The following PTGER4 variants were observed in gnomAD, a reference collection of about 807,000 sequenced individuals.
PTGER4 encodes the protein prostaglandin E receptor 4, also known as prostaglandin E2 receptor EP4 subtype.
In PTGER4, 11 loss-of-function variants were observed where a neutral mutation model predicts 33.2. That is an observed-to-expected ratio of 0.33 (90% CI 0.21 to 0.55). PTGER4 has a LOEUF of 0.55. Ranked by LOEUF, PTGER4 falls within the 20% of genes least tolerant of loss-of-function variation. The probability of loss-of-function intolerance (pLI) is 0.92; values close to 1 mark genes in which losing one functional copy is unlikely to be tolerated. For synonymous variants in PTGER4, 275 were observed against 281.5 expected, an observed-to-expected ratio of 0.98 and a Z score of 0.23; for missense variants, 481 against 650.2, an observed-to-expected ratio of 0.74 and a Z score of 2.83.
At chr5:40,746,777 A>T in the PTGER4 span, 1 of 1,581,140 alleles carries the variant, frequency 6.3e-7, no homozygotes, top group African/African-American at 1.4e-5. Context: ...TCTCCATAAA[A>T]AAAAAACTTT....
chr5:40,689,418 G>A (rs1579648448), intron 2 of PTGER4, among the ~76,000 whole-genome samples: 1 of 152,164 alleles, frequency 6.6e-6, no homozygotes, highest in East Asian at 1.9e-4. Flanking sequence ...TTAATGAAAT[G>A]TATTTCTTCG....
chr5:40,697,796 T>A, downstream of PTGER4, among the ~76,000 whole-genome samples: 1 of 150,884 alleles, frequency 6.6e-6, no homozygotes, highest in Admixed American at 6.6e-5. Flanking sequence ...ATATACAAGG[T>A]GAACTAAATT....
At position 40,691,675 on chromosome 5, in the gene PTGER4, A is replaced by C; in HGVS notation, c.868-104A>C. ...TCCTCTTTTCCTGGAACTTGTTACC[A>C]GAAATGAAGGCAGCTTCCTAATATT... On this transcript the variant is annotated intron_variant, in intron 2 of 2. Transcript: ENST00000302472. This position sits in a 1 kb window ranked among gnomAD's most constrained non-coding sequence, Gnocchi z 4.2. 7.0e-7 allele frequency: 1 copy of C among 1,438,516 alleles called. No individual in the cohort carries two copies. Among genetic ancestry groups the C allele is most frequent in the Non-Finnish European group, 9.4e-7 (1 of 1,067,760 alleles). 89.1% of individuals were successfully genotyped at this position (1,438,516 alleles called of 1,614,324 possible).
At chr5:40,744,827 C>T in the PTGER4 span, among the ~76,000 whole-genome samples, 431 of 152,176 alleles carry the variant, frequency 2.8e-3, 1 homozygote, top group Non-Finnish European at 4.7e-3. Flanking sequence ...TCAACAGATA[C>T]CAAACACAGC....
intron 2 of PTGER4, among the ~76,000 whole-genome samples, chr5:40,685,852 A>G (rs1399996453): frequency 6.6e-6 from 1 of 152,158 alleles, no homozygotes. Flanking sequence ...TTTGTATTGA[A>G]TATCTCCTAA....
At chr5:40,700,569 T>G in the PTGER4 span, among the ~76,000 whole-genome samples, 1 of 152,234 alleles carries the variant, frequency 6.6e-6, no homozygotes. Flanking sequence ...CTGACTGCAC[T>G]GAGTGATTCC....
chr5:40,691,448 G>A lies in PTGER4; in HGVS notation c.868-331G>A, dbSNP rs1741468782. The stretch of plus-strand genomic sequence containing the variant: ...GCCTACCTCGGCCTACCAAAATGCT[G>A]GGATTACAGGCGTGAGCCACCGCAC... On this transcript the variant is annotated intron_variant, in intron 2 of 2. Coordinates refer to ENST00000302472, the MANE Select transcript of PTGER4 (RefSeq NM_000958.3). The surrounding 1 kb of genome is among the most constrained non-coding windows in gnomAD (Gnocchi z 4.2). 6.6e-6 allele frequency among the ~76,000 whole-genome samples: 1 copy of A among 152,180 alleles called. No homozygotes were observed. The highest frequency in any genetic ancestry group is 1.5e-5 in the Non-Finnish European group (1 of 68,034).
the PTGER4 span, among the ~76,000 whole-genome samples, chr5:40,708,094 TC>T: frequency 0.017 from 2,587 of 152,130 alleles, 26 homozygotes; most frequent in Non-Finnish European, 0.026. Flanking sequence ...GATCTAAAAT[TC>T]ACATCCTAAC....
chr5:40,687,160 C>T (rs567568553), intron 2 of PTGER4, among the ~76,000 whole-genome samples: 1 of 152,150 alleles, frequency 6.6e-6, no homozygotes, highest in Admixed American at 6.5e-5. Flanking sequence ...ATTCTCCTGC[C>T]TCAGCCTTCC....
chr5:40,745,513 G>A, the PTGER4 span, among the ~76,000 whole-genome samples: 2 of 151,872 alleles, frequency 1.3e-5, no homozygotes, highest in East Asian at 3.9e-4. Context: ...GAGGAAATAC[G>A]AGATTGTCCT....
chr5:40,692,360 A>T lies in PTGER4; in HGVS notation c.1449A>T (p.Leu483Phe), dbSNP rs1741496172. 3 of 1,595,200 alleles carry T rather than the reference A, an allele frequency of 1.9e-6. No homozygotes were observed. Among genetic ancestry groups the T allele is most frequent in the Non-Finnish European group, 2.6e-6 (3 of 1,170,070 alleles). Residue 483 changes from leucine (L) to phenylalanine (F), a missense_variant, in exon 3 of 3, where the codon TTA (leucine) becomes TTT (phenylalanine). By Grantham distance (22) the Leu-to-Phe change is conservative. Coordinates refer to ENST00000302472, the MANE Select transcript of PTGER4 (RefSeq NM_000958.3). The part of the protein sequence containing the change: ...QVTFPSETLN[L>F]SEKCI Reference sequence around the variant, plus strand: ...CATTTCCCAGTGAAACACTGAACTTATCAGAAAAATGTATATAATAGGCAA... The same window carrying T: ...CATTTCCCAGTGAAACACTGAACTTTTCAGAAAAATGTATATAATAGGCAA...
At chr5:40,744,273 G>T in the PTGER4 span, among the ~76,000 whole-genome samples, 1 of 152,156 alleles carries the variant, frequency 6.6e-6, no homozygotes, top group South Asian at 2.1e-4. Flanking sequence ...TAAGTTAATT[G>T]ATCTTGATTG....
downstream of PTGER4, chr5:40,696,667 T>C: frequency 1.0e-6 from 1 of 984,972 alleles, no homozygotes; most frequent in Non-Finnish European, 1.2e-6. Flanking sequence ...CAACCCCATT[T>C]CCCACCATGG....
downstream of PTGER4, among the ~76,000 whole-genome samples, chr5:40,698,666 C>T (rs1579656041): frequency 6.6e-6 from 1 of 152,136 alleles, no homozygotes; most frequent in Non-Finnish European, 1.5e-5. Flanking sequence ...TCAATTATAT[C>T]TCAATGCATT....
chr5:40,714,985 G>C, the PTGER4 span: 5 of 151,996 alleles, frequency 3.3e-5, no homozygotes, highest in African/African-American at 1.2e-4. Context: ...AGCAATGACA[G>C]TATTGGTTTG....
At chr5:40,689,563 C>T (rs1741416858) in intron 2 of PTGER4, among the ~76,000 whole-genome samples, 1 of 151,964 alleles carries the variant, frequency 6.6e-6, no homozygotes, top group Non-Finnish European at 1.5e-5. Flanking sequence ...TAGTAAGTGC[C>T]AAAGGAACAC....
At chr5:40,721,150 A>C in the PTGER4 span, among the ~76,000 whole-genome samples, 7 of 152,156 alleles carry the variant, frequency 4.6e-5, no homozygotes, top group African/African-American at 1.7e-4. Flanking sequence ...GACTACCAAA[A>C]GGACTGGCTT....
At chr5:40,694,830 C>G (rs1297521832), downstream of PTGER4, among the ~76,000 whole-genome samples, 1 of 152,224 alleles carries the variant, frequency 6.6e-6, no homozygotes, top group African/African-American at 2.4e-5. Context: ...TGAATTCCAG[C>G]ATTGCTCAGT....
Position 40,680,872 on chromosome 5 carries a change from T to C in PTGER4, c.-43-79T>C. 7.9e-7 allele frequency: 1 copy of C among 1,264,922 alleles called. No homozygotes were observed. Among genetic ancestry groups the C allele is most frequent in the Non-Finnish European group, 1.1e-6 (1 of 916,738 alleles). 78.4% of individuals were successfully genotyped at this position (1,264,922 alleles called of 1,614,324 possible). A position where few individuals can be genotyped will look rare whatever the true frequency, so the allele number is the denominator to read the frequency against. On this transcript the variant is annotated intron_variant, in intron 1 of 2. Transcript: ENST00000302472. The surrounding 1 kb of genome is among the most constrained non-coding windows in gnomAD (Gnocchi z 5.5). ...CTCCCCTTGTCTTATCAGTGTATCG[T>C]TTCTCGGGCGCGGGTCTAACACCTT...
Sources: gnomAD v4.1 joint callset for allele counts (sites outside exome capture counted in the v4.1 genomes callset) on GRCh38, gnomAD v4.1.1 for gene constraint, Gnocchi (gnomAD v3.1) non-coding constraint, MANE v1.5 for transcripts, NCBI Gene and HGNC (gene_info 2026-07-23, HGNC 2026-07-21) for gene names.